CCDC85C: variants seen among roughly 807,000 people sequenced by gnomAD.
CCDC85C encodes coiled-coil domain containing 85C.
A neutral mutation model predicts 38.3 loss-of-function variants in CCDC85C; 18 were observed. The observed-to-expected ratio is 0.47, with a 90% CI of 0.33 to 0.70. The LOEUF (loss-of-function observed/expected upper bound fraction) is 0.70. Ranked by LOEUF, CCDC85C falls within the 30% of genes least tolerant of loss-of-function variation. The pLI is 0.03. For missense variants in CCDC85C, 566 were observed against 621.2 expected, an observed-to-expected ratio of 0.91 and a Z score of 0.94; for synonymous variants, 264 against 293.8, an observed-to-expected ratio of 0.90 and a Z score of 1.04.
At chr14:99,550,026 C>T (rs1341256591) in intron 1 of CCDC85C, among the ~76,000 whole-genome samples, 2 of 152,190 alleles carry the variant, frequency 1.3e-5, no homozygotes, top group Non-Finnish European at 1.5e-5. Flanking sequence ...CCCTCCATGA[C>T]ACACTGGGCC....
At chr14:99,534,181 C>T (rs865984256) in intron 2 of CCDC85C, among the ~76,000 whole-genome samples, 7 of 152,006 alleles carry the variant, frequency 4.6e-5, no homozygotes, top group African/African-American at 1.7e-4. Context: ...CATGGTGAAA[C>T]CCTGTCTCTA....
chr14:99,565,994 C>A (rs955192454), intron 1 of CCDC85C, among the ~76,000 whole-genome samples: 1 of 152,226 alleles, frequency 6.6e-6, no homozygotes, highest in African/African-American at 2.4e-5. Context: ...GCTGTCGTAA[C>A]GCAGCGCCGA....
At chr14:99,559,242 G>A (rs1160004944) in intron 1 of CCDC85C, among the ~76,000 whole-genome samples, 1 of 151,742 alleles carries the variant, frequency 6.6e-6, no homozygotes. Context: ...AAAAGGAACT[G>A]GCCCCGCTGA....
intron 1 of CCDC85C, among the ~76,000 whole-genome samples, chr14:99,592,262 G>A (rs1414306245): frequency 6.6e-6 from 1 of 152,206 alleles, no homozygotes. Context: ...CACCACTCGG[G>A]GTTAGAGCCA....
At position 99,545,436 on chromosome 14, in the gene CCDC85C, C is replaced by T. The variant is rs1284964664; in HGVS notation, c.794-9348G>A. Among the ~76,000 whole-genome samples, 1 of 152,162 alleles carries T rather than the reference C, an allele frequency of 6.6e-6. No homozygotes were observed. Among genetic ancestry groups the T allele is most frequent in the African/African-American group, 2.4e-5 (1 of 41,434 alleles). On this transcript the variant is annotated intron_variant, in intron 1 of 5. Coordinates refer to ENST00000380243, the MANE Select transcript of CCDC85C (RefSeq NM_001144995.2). The surrounding 1 kb of genome is among the most constrained non-coding windows in gnomAD (Gnocchi z 4.7). ...CAAAACTCAAACTCATTTCTCCATC[C>T]GCTGCTTGGGAAGCCTGACAAGCCA... is the stretch of plus-strand genomic sequence containing the variant.
At chr14:99,553,354 T>C (rs1442368354) in intron 1 of CCDC85C, among the ~76,000 whole-genome samples, 2 of 107,314 alleles carry the variant, frequency 1.9e-5, no homozygotes, top group Admixed American at 1.0e-4. Flanking sequence ...TAATTCCCTG[T>C]GTGGTTTTTT....
In CCDC85C at chr14:99,501,441, A is replaced by G. The variant is rs753517300; in HGVS notation, c.*13805T>C. On this transcript the variant is annotated 3_prime_UTR_variant, in exon 6 of 6. Transcript: ENST00000380243. ...ATACATGTTCAAATGTTGATTAATT[A>G]CAGTATTTTAAAATAGGCAGAGACT... 1 of 1,429,952 alleles carries G rather than the reference A, an allele frequency of 7.0e-7. No homozygotes were observed. The highest frequency in any genetic ancestry group is 9.8e-7 in the Non-Finnish European group (1 of 1,015,734). The allele number at this position is 1,429,952 out of a possible 1,614,324, so 88.6% of individuals were successfully genotyped here.
chr14:99,534,693 T>C (rs1364671862), intron 2 of CCDC85C: 1 of 702,340 alleles, frequency 1.4e-6, no homozygotes, highest in South Asian at 1.5e-5. Flanking sequence ...GCAACCACAA[T>C]GGCCCCGCCA....
intron 1 of CCDC85C, among the ~76,000 whole-genome samples, chr14:99,585,490 A>T (rs192603000): frequency 6.6e-6 from 1 of 152,300 alleles, no homozygotes; most frequent in Non-Finnish European, 1.5e-5. Context: ...TCTTTGCTCA[A>T]ATGGGGAACA....
chr14:99,596,120 T>C (rs1301681828), intron 1 of CCDC85C, among the ~76,000 whole-genome samples: 1 of 152,226 alleles, frequency 6.6e-6, no homozygotes, highest in African/African-American at 2.4e-5. Flanking sequence ...CTTAGGACTC[T>C]GTGAAGTTTG....
intron 1 of CCDC85C, among the ~76,000 whole-genome samples, chr14:99,598,897 T>C (rs1014876151): frequency 6.6e-6 from 1 of 152,172 alleles, no homozygotes; most frequent in Non-Finnish European, 1.5e-5. Context: ...GGGCACAGTT[T>C]ACCCACCCCT....
Position 99,501,156 on chromosome 14 carries a change from A to G in CCDC85C, c.*14090T>C. Reference sequence around the variant, plus strand: ...TTAGCCTTGGAGCCAGGTTTTCCATACATGGTGGTTCAGCGTAGGTCATGA... The same window carrying G: ...TTAGCCTTGGAGCCAGGTTTTCCATGCATGGTGGTTCAGCGTAGGTCATGA... On this transcript the variant is annotated 3_prime_UTR_variant, in exon 6 of 6. Transcript: ENST00000380243. The G allele has an allele frequency of 5.0e-6, 3 of 605,748 alleles. No individual in the cohort carries two copies. Among genetic ancestry groups the G allele is most frequent in the Non-Finnish European group, 8.7e-6 (3 of 344,368 alleles). The allele number at this position is 605,748 out of a possible 1,614,324, so 37.5% of individuals were successfully genotyped here. A position where few individuals can be genotyped will look rare whatever the true frequency, so the allele number is the denominator to read the frequency against.
At chr14:99,518,029 G>A (rs1468345870) in intron 3 of CCDC85C, among the ~76,000 whole-genome samples, 1 of 152,170 alleles carries the variant, frequency 6.6e-6, no homozygotes, top group African/African-American at 2.4e-5. Context: ...TCCCACCTCT[G>A]GCAATCCTTG....
intron 1 of CCDC85C, among the ~76,000 whole-genome samples, chr14:99,594,688 C>A (rs2055124404): frequency 6.6e-6 from 1 of 152,170 alleles, no homozygotes; most frequent in Admixed American, 6.5e-5. Flanking sequence ...ATGAGGGTCC[C>A]TGGGACTCTC....
At chr14:99,596,470 C>T (rs2055144132) in intron 1 of CCDC85C, among the ~76,000 whole-genome samples, 1 of 151,486 alleles carries the variant, frequency 6.6e-6, no homozygotes, top group Non-Finnish European at 1.5e-5. Context: ...AGAACACTTA[C>T]AGGCAGTCAA....
chr14:99,522,090 C>T, intron 3 of CCDC85C, 43 bp downstream of exon 3: 1 of 1,469,884 alleles, frequency 6.8e-7, no homozygotes, highest in Non-Finnish European at 9.3e-7. Flanking sequence ...GAGCCTCAGC[C>T]CCTCATCCAG....
intron 1 of CCDC85C, among the ~76,000 whole-genome samples, chr14:99,551,444 G>GGTGAGCAGGTGAATGA (rs1360622136): frequency 6.6e-6 from 1 of 152,068 alleles, no homozygotes; most frequent in Non-Finnish European, 1.5e-5. Context: ...TGGGTGTGCA[G>GGTGAGCAGGTGAATGA]GTGAGCAGGT....
chr14:99,579,115 C>T (rs2054936887), intron 1 of CCDC85C, among the ~76,000 whole-genome samples: 1 of 152,218 alleles, frequency 6.6e-6, no homozygotes, highest in African/African-American at 2.4e-5. Flanking sequence ...CCTGTCTGAC[C>T]CAGGTGGCCC....
chr14:99,573,784 T>C (rs990615349), intron 1 of CCDC85C, among the ~76,000 whole-genome samples: 2 of 152,136 alleles, frequency 1.3e-5, no homozygotes, highest in Non-Finnish European at 2.9e-5. Flanking sequence ...CTCCAGGAGA[T>C]GCACCCCTCA....
Sources: allele counts gnomAD v4.1 joint callset (sites outside exome capture counted in the v4.1 genomes callset), GRCh38; gene constraint gnomAD v4.1.1; non-coding constraint Gnocchi (gnomAD v3.1); transcripts MANE v1.5; gene names NCBI Gene and HGNC (gene_info 2026-07-23, HGNC 2026-07-21).